The following NOL4 variants were observed in gnomAD, a reference collection of about 807,000 sequenced individuals.
NOL4 encodes the protein nucleolar protein 4, also known as cancer/testis antigen 125.
In NOL4, 17 loss-of-function variants were observed where a neutral mutation model predicts 75.9. The observed-to-expected ratio is 0.22, with a 90% CI of 0.15 to 0.34. The LOEUF is 0.34. NOL4 is among the 10% of genes least tolerant of loss of function. The pLI, the probability that NOL4 is intolerant of heterozygous loss-of-function variation, is 1.00. For synonymous variants in NOL4, 292 were observed against 289.9 expected (o/e 1.01, Z -0.07); for missense variants, 614 against 793.5 (o/e 0.77, Z 2.72).
At chr18:34,165,245 A>C (rs1443069867) in intron 1 of NOL4, among the ~76,000 whole-genome samples, 1 of 151,750 alleles carries the variant, frequency 6.6e-6, no homozygotes, top group East Asian at 1.9e-4. Flanking sequence ...TATAATAATA[A>C]TAAAATAAAA....
At chr18:34,173,677 GC>G (rs1451801607) in intron 1 of NOL4, among the ~76,000 whole-genome samples, 1 of 152,138 alleles carries the variant, frequency 6.6e-6, no homozygotes, top group Admixed American at 6.6e-5. Context: ...TTTAAGTGGT[GC>G]CAAGTTACCA....
chr18:34,055,739 T>C (rs750845480), intron 5 of NOL4, among the ~76,000 whole-genome samples: 9 of 152,142 alleles, frequency 5.9e-5, no homozygotes, highest in Non-Finnish European at 8.8e-5. Context: ...ATTTCCATAA[T>C]TTGTATATTG....
intron 9 of NOL4, among the ~76,000 whole-genome samples, chr18:33,908,321 G>C (rs1452026607): frequency 6.6e-6 from 1 of 152,168 alleles, no homozygotes; most frequent in Non-Finnish European, 1.5e-5. Context: ...AACTTGGACT[G>C]ATGATGTGAT....
At chr18:34,152,559 G>A (rs2081694868) in intron 1 of NOL4, among the ~76,000 whole-genome samples, 1 of 151,794 alleles carries the variant, frequency 6.6e-6, no homozygotes, top group East Asian at 1.9e-4. Context: ...GTATAAAACT[G>A]CAGATAACCA....
intron 1 of NOL4, among the ~76,000 whole-genome samples, chr18:34,180,841 A>C (rs2033976261): frequency 6.6e-6 from 1 of 151,602 alleles, no homozygotes; most frequent in Non-Finnish European, 1.5e-5. Flanking sequence ...ACCATTAAAA[A>C]GAATAAAATA....
At chr18:33,997,601 A>G (rs2073390293) in intron 6 of NOL4, among the ~76,000 whole-genome samples, 2 of 150,834 alleles carry the variant, frequency 1.3e-5, no homozygotes, top group Non-Finnish European at 3.0e-5. Context: ...ACATCAAACT[A>G]TACTTCAAAG....
intron 1 of NOL4, 82 bp downstream of exon 1, chr18:34,222,908 C>CCCTCTCTCCCG (rs1201885517): frequency 1.4e-5 from 21 of 1,543,500 alleles, no homozygotes; most frequent in Non-Finnish European, 1.8e-5. Context: ...TCACGGCTCC[C>CCCTCTCTCCCG]CCTCTCTCCC....
rs760567149 is a variant in NOL4 at position 34,223,083 on chromosome 18, G to C, written c.171C>G (p.Val57=). The C allele has an allele frequency of 6.2e-7, 1 of 1,614,094 alleles. No individual in the cohort carries two copies. ...STDNAKFKFW[V]KSKGFQLGQP... ...GGCCCAGCTGGAAGCCCTTCGATTT[G>C]ACCCAGAATTTAAATTTGGCGTTGT... is the stretch of plus-strand genomic sequence containing the variant. Residue 57 remains valine (V), a synonymous_variant, in exon 1 of 11, where the codon GTC becomes GTG. Transcript: ENST00000261592.
At chr18:34,046,635 T>TATATATATATATATATATATAG in intron 5 of NOL4, among the ~76,000 whole-genome samples, 1 of 140,832 alleles carries the variant, frequency 7.1e-6, no homozygotes, top group Non-Finnish European at 1.5e-5. Flanking sequence ...TATATATATA[T>TATATATATATATATATATATAG]ATGTATATGT....
At chr18:33,940,253 G>C (rs1272844725) in intron 9 of NOL4, among the ~76,000 whole-genome samples, 1 of 152,054 alleles carries the variant, frequency 6.6e-6, no homozygotes, top group Non-Finnish European at 1.5e-5. Context: ...ACATGCACAT[G>C]TATATTTATT....
In NOL4 at chr18:34,219,962, T is replaced by C. The variant is rs567363702; in HGVS notation, c.264+3028A>G. ...AGATATGTCCCCTCAGGTTTAGACA[T>C]GACCAGGACAAATATTAAAGGACAT... On this transcript the variant is annotated intron_variant, in intron 1 of 10. Coordinates refer to ENST00000261592, the MANE Select transcript of NOL4 (RefSeq NM_003787.5). 3.3e-5 allele frequency among the ~76,000 whole-genome samples: 5 copies of C among 152,374 alleles called. No homozygotes were observed. In the South Asian group the frequency reaches 1.0e-3, roughly 32 times the overall value.
chr18:34,197,756 G>GC (rs1303332354), intron 1 of NOL4, among the ~76,000 whole-genome samples: 1 of 151,914 alleles, frequency 6.6e-6, no homozygotes, highest in Non-Finnish European at 1.5e-5. Flanking sequence ...ATAGGAAAAG[G>GC]CCTTTGTAGG....
At chr18:33,870,262 T>C (rs1036690776) in intron 10 of NOL4, among the ~76,000 whole-genome samples, 1 of 152,018 alleles carries the variant, frequency 6.6e-6, no homozygotes, top group African/African-American at 2.4e-5. Context: ...AGATGCTGCA[T>C]GATCTCACTC....
intron 5 of NOL4, among the ~76,000 whole-genome samples, chr18:34,027,727 T>A (rs777440481): frequency 5.9e-5 from 9 of 152,198 alleles, no homozygotes; most frequent in Non-Finnish European, 1.0e-4. Context: ...CAGTTCTTTG[T>A]GTAAAGCAGT....
At chr18:33,977,268 G>A (rs557925451) in intron 6 of NOL4, among the ~76,000 whole-genome samples, 30 of 152,170 alleles carry the variant, frequency 2.0e-4, no homozygotes, top group Admixed American at 1.9e-3. Flanking sequence ...GTGATATTTG[G>A]CTGTGTCCCC....
intron 5 of NOL4, among the ~76,000 whole-genome samples, chr18:34,037,418 A>T (rs1013530494): frequency 6.6e-6 from 1 of 152,090 alleles, no homozygotes; most frequent in Non-Finnish European, 1.5e-5. Flanking sequence ...AAAAAATCTT[A>T]AAGTTCATAT....
At chr18:34,076,612 C>A (rs2077756512) in intron 5 of NOL4, among the ~76,000 whole-genome samples, 2 of 152,252 alleles carry the variant, frequency 1.3e-5, no homozygotes, top group South Asian at 2.1e-4. Context: ...TCAAATGTCA[C>A]CTGAGTCCCA....
chr18:34,057,083 C>A (rs982491396), intron 5 of NOL4, among the ~76,000 whole-genome samples: 1 of 152,142 alleles, frequency 6.6e-6, no homozygotes, highest in African/African-American at 2.4e-5. Flanking sequence ...TGAACCCTGA[C>A]ATGTCCCTCT....
At position 34,132,106 on chromosome 18, in the gene NOL4, AT is replaced by A. The variant is rs1390539960; in HGVS notation, c.265-2087del. On this transcript the variant is annotated intron_variant, in intron 1 of 10. Coordinates refer to ENST00000261592, the MANE Select transcript of NOL4 (RefSeq NM_003787.5). ...CTTCCAGCTTCTGGTGCTTTACAGC[AT>A]TTCACAGCTTGAGGCTGCATTATAT... 5.3e-5 allele frequency among the ~76,000 whole-genome samples: 8 copies of A among 152,190 alleles called. No individual in the cohort carries two copies. In the South Asian group the frequency reaches 1.7e-3, roughly 32 times the overall value.
Sources: allele counts gnomAD v4.1 joint callset (sites outside exome capture counted in the v4.1 genomes callset), GRCh38; gene constraint gnomAD v4.1.1; transcripts MANE v1.5; gene names NCBI Gene and HGNC (gene_info 2026-07-23, HGNC 2026-07-21).